The following DIAPH2 variants were observed in gnomAD, a reference collection of about 807,000 sequenced individuals.
DIAPH2 encodes the protein diaphanous related formin 2.
DIAPH2 carries 35 observed loss-of-function variants against 92.7 expected under a neutral mutation model. The observed-to-expected ratio is 0.38, with a 90% CI of 0.29 to 0.50. The LOEUF (loss-of-function observed/expected upper bound fraction) is 0.50, where lower values mean the gene tolerates loss of function less well. DIAPH2 is among the 20% of genes least tolerant of loss of function. The pLI, the probability that DIAPH2 is intolerant of heterozygous loss-of-function variation, is 0.94. For synonymous variants in DIAPH2, 301 were observed against 280.4 expected (o/e 1.07, Z -0.73); for missense variants, 701 against 819.5 (o/e 0.86, Z 1.77).
At chrX:97,304,374 C>G (rs1397815439) in intron 23 of DIAPH2, among the ~76,000 whole-genome samples, 1 of 111,918 alleles carries the variant, frequency 8.9e-6, no homozygotes, top group Non-Finnish European at 1.9e-5. Context: ...TCACAGTGGT[C>G]GATCTTGAAT....
intron 23 of DIAPH2, among the ~76,000 whole-genome samples, chrX:97,307,509 T>C (rs1461401866): frequency 8.9e-6 from 1 of 112,170 alleles, no homozygotes; most frequent in Non-Finnish European, 1.9e-5. Flanking sequence ...AAATTCTTTT[T>C]ATTTTTTCAT....
intron 25 of DIAPH2, among the ~76,000 whole-genome samples, chrX:97,417,391 C>CACACACAT (rs1199647678): frequency 2.7e-5 from 3 of 109,128 alleles, no homozygotes; most frequent in Non-Finnish European, 5.7e-5. Flanking sequence ...CACACACACA[C>CACACACAT]ACACACATAC....
chrX:96,830,570 CAAAAAAAAAAAAA>C (rs776270215), intron 4 of DIAPH2, among the ~76,000 whole-genome samples: 5 of 13,441 alleles, frequency 3.7e-4, no homozygotes, highest in African/African-American at 3.6e-4. Context: ...GACTCAGTCT[CAAAAAAAAAAAAA>C]AAAAAAAAAA....
intron 23 of DIAPH2, among the ~76,000 whole-genome samples, chrX:97,249,367 C>A (rs1350628566): frequency 1.8e-5 from 2 of 111,865 alleles, no homozygotes; most frequent in African/African-American, 6.5e-5. Context: ...CCAGAGCCTT[C>A]TGTATCTGTA....
rs758666786 is a variant in DIAPH2, at chrX:97,045,848, ATT to A, written c.2051-27071_2051-27070del. On this transcript the variant is annotated intron_variant, in intron 17 of 26. Transcript: ENST00000324765. Reference sequence around the variant, plus strand: ...GGGTATGGTATTAGGGTATTTTAGGATTTTTTTTTTTTTTTTTTTTTTTGAGA... The same window carrying A: ...GGGTATGGTATTAGGGTATTTTAGGATTTTTTTTTTTTTTTTTTTTTGAGA... 4.5e-3 allele frequency among the ~76,000 whole-genome samples: 287 copies of A among 64,397 alleles called. 1 individual carries two copies. Among genetic ancestry groups the A allele is most frequent in the South Asian group, 6.7e-3 (7 of 1,043 alleles). The allele number at this position is 64,397 out of a possible 115,157, so 55.9% of individuals were successfully genotyped here.
intron 3 of DIAPH2, among the ~76,000 whole-genome samples, chrX:96,740,759 GT>G (rs1171813488): frequency 9.0e-6 from 1 of 111,293 alleles, no homozygotes; most frequent in African/African-American, 3.3e-5. Flanking sequence ...CATCCTCCAG[GT>G]TTTGCCTATT....
At chrX:97,083,766 C>T (rs1194180449) in intron 19 of DIAPH2, among the ~76,000 whole-genome samples, 1 of 111,954 alleles carries the variant, frequency 8.9e-6, no homozygotes, top group Admixed American at 9.5e-5. Flanking sequence ...TTTTATTTTC[C>T]GTGTTTATTA....
At chrX:97,584,746 A>T (rs1484939398) in intron 26 of DIAPH2, among the ~76,000 whole-genome samples, 1 of 112,714 alleles carries the variant, frequency 8.9e-6, no homozygotes, top group Non-Finnish European at 1.9e-5. Context: ...GAAGGCTAGG[A>T]TTGGAATATA....
At chrX:97,316,809 T>C (rs2068844753) in intron 23 of DIAPH2, among the ~76,000 whole-genome samples, 1 of 112,112 alleles carries the variant, frequency 8.9e-6, no homozygotes, top group Admixed American at 9.5e-5. Flanking sequence ...AGTTGACTAG[T>C]TTCCTCCTGG....
chrX:96,849,553 T>C (rs1378696264), intron 4 of DIAPH2, among the ~76,000 whole-genome samples: 1 of 111,521 alleles, frequency 9.0e-6, no homozygotes, highest in East Asian at 2.8e-4. Flanking sequence ...TTAATGATTG[T>C]TTTTTCATGA....
chrX:97,072,175 C>T (rs937535420), intron 17 of DIAPH2, among the ~76,000 whole-genome samples: 2 of 111,300 alleles, frequency 1.8e-5, no homozygotes, highest in Admixed American at 9.6e-5. Flanking sequence ...TTTTTTGGGC[C>T]GGCCTACTTG....
chrX:96,784,154 A>C (rs2064438604), intron 4 of DIAPH2, among the ~76,000 whole-genome samples: 1 of 112,262 alleles, frequency 8.9e-6, no homozygotes, highest in Admixed American at 9.5e-5. Flanking sequence ...TTCCACATAG[A>C]TGCATGCATT....
In DIAPH2 at chrX:97,377,377, G is replaced by A. The variant is rs770507049; in HGVS notation, c.3010-6532G>A. On this transcript the variant is annotated intron_variant, in intron 24 of 26. Transcript: ENST00000324765. The stretch of plus-strand genomic sequence containing the variant: ...TTTTATAGGACTGGTAATGCAGTAG[G>A]TTTGTTTATACCAGCATCACCATAA... Among the ~76,000 whole-genome samples the A allele has an allele frequency of 4.5e-5, 5 of 112,157 alleles. No homozygotes were observed. In the South Asian group the frequency reaches 1.9e-3, roughly 42 times the overall value.
chrX:97,264,212 A>C (rs1335131255), intron 23 of DIAPH2, among the ~76,000 whole-genome samples: 2 of 111,761 alleles, frequency 1.8e-5, no homozygotes, highest in Non-Finnish European at 3.8e-5. Flanking sequence ...AGAGATATTT[A>C]TCTGATAATG....
intron 4 of DIAPH2, among the ~76,000 whole-genome samples, chrX:96,861,663 G>A (rs953541018): frequency 9.0e-6 from 1 of 111,646 alleles, no homozygotes; most frequent in Non-Finnish European, 1.9e-5. Context: ...CACTTCGCTG[G>A]ATTAAGTCCA....
At chrX:96,810,767 A>C (rs1268286232) in intron 4 of DIAPH2, among the ~76,000 whole-genome samples, 1 of 111,738 alleles carries the variant, frequency 8.9e-6, no homozygotes, top group Non-Finnish European at 1.9e-5. Flanking sequence ...ACCATTTATT[A>C]AATAGGGAAT....
intron 22 of DIAPH2, among the ~76,000 whole-genome samples, chrX:97,246,149 G>C (rs1267339369): frequency 9.3e-6 from 1 of 107,172 alleles, no homozygotes; most frequent in East Asian, 2.9e-4. Context: ...CATAACCTCA[G>C]GTAATCCGCC....
At chrX:97,178,122 G>A (rs1488094257) in intron 22 of DIAPH2, among the ~76,000 whole-genome samples, 5 of 109,979 alleles carry the variant, frequency 4.5e-5, no homozygotes, top group Admixed American at 3.9e-4. Flanking sequence ...GGGGATGGGG[G>A]GCCTTGGGGG....
chrX:96,688,184 A>G lies in DIAPH2; in HGVS notation c.132+2994A>G, dbSNP rs901470862. Among the ~76,000 whole-genome samples, 7 of 111,996 alleles carry G rather than the reference A, an allele frequency of 6.3e-5. No homozygotes were observed. The South Asian group carries it at 2.6e-3, about 41-fold the overall frequency. Reference sequence around the variant, plus strand: ...CGGTAGTGTAGAGTGACCTAACAGTATTTGATGTTTTTGCATTTTTGACTT... The same window carrying G: ...CGGTAGTGTAGAGTGACCTAACAGTGTTTGATGTTTTTGCATTTTTGACTT... On this transcript the variant is annotated intron_variant, in intron 1 of 26. Coordinates refer to ENST00000324765, the MANE Select transcript of DIAPH2 (RefSeq NM_006729.5).
Sources: gnomAD v4.1 joint callset for allele counts (sites outside exome capture counted in the v4.1 genomes callset) on GRCh38, gnomAD v4.1.1 for gene constraint, MANE v1.5 for transcripts, NCBI Gene and HGNC (gene_info 2026-07-23, HGNC 2026-07-21) for gene names.